The following RNF213 variants were observed in gnomAD, a reference collection of about 807,000 sequenced individuals.
RNF213 encodes the protein ring finger protein 213.
In RNF213, 341 loss-of-function variants were observed where a neutral mutation model predicts 514.4. The ratio of observed to expected loss-of-function variants is 0.66; its 90% CI spans 0.61 to 0.73. The LOEUF (loss-of-function observed/expected upper bound fraction) is 0.73, where lower values mean the gene tolerates loss of function less well. Among genes scored for constraint, RNF213 ranks in the 30% least tolerant of loss-of-function variants. The pLI, the probability that RNF213 is intolerant of heterozygous loss-of-function variation, is 0.00. For synonymous variants in RNF213, 2,655 were observed against 2,658.2 expected, an observed-to-expected ratio of 1.00 and a Z score of 0.04; for missense variants, 5,767 against 6,615.6, an observed-to-expected ratio of 0.87 and a Z score of 4.45.
chr17:80,385,840 G>A (rs1240250375), intron 61 of RNF213, among the ~76,000 whole-genome samples: 2 of 152,106 alleles, frequency 1.3e-5, no homozygotes, highest in African/African-American at 4.8e-5. Flanking sequence ...TCCTGCCTCA[G>A]CCCCTAGTAG....
At chr17:80,327,164 G>A (rs2143919560) in intron 18 of RNF213, among the ~76,000 whole-genome samples, 1 of 152,310 alleles carries the variant, frequency 6.6e-6, no homozygotes, top group South Asian at 2.1e-4. Context: ...TATTCCTAGG[G>A]CAGGGGCTTT....
chr17:80,277,395 C>T (rs558080502), intron 3 of RNF213, among the ~76,000 whole-genome samples: 21 of 151,976 alleles, frequency 1.4e-4, no homozygotes, highest in Admixed American at 1.0e-3. Flanking sequence ...GTCAGGAGTT[C>T]AAGACCAACC....
intron 10 of RNF213, among the ~76,000 whole-genome samples, chr17:80,298,101 T>C (rs1249809375): frequency 6.6e-6 from 1 of 152,052 alleles, no homozygotes; most frequent in East Asian, 1.9e-4. Flanking sequence ...TCCTGGGAGT[T>C]TGTTGTGGGG....
chr17:80,348,681 C>T (rs1227420376), intron 29 of RNF213, among the ~76,000 whole-genome samples: 1 of 152,246 alleles, frequency 6.6e-6, no homozygotes, highest in African/African-American at 2.4e-5. Flanking sequence ...TGCTTAGAGG[C>T]AGCGGGGAGC....
chr17:80,347,713 G>C lies in RNF213; in HGVS notation c.9378G>C (p.Gln3126His). Residue 3126 changes from glutamine to histidine, a missense_variant, in exon 29 of 68, where the codon CAG becomes CAC. Physicochemically the swap from Gln to His is conservative, Grantham distance 24. Around this residue, in one of 13 missense-constraint regions of RNF213, gnomAD observed 919 missense variants for 1,121.0 expected, o/e 0.82. Coordinates refer to ENST00000582970, the MANE Select transcript of RNF213 (RefSeq NM_001256071.3). The surrounding 1 kb of genome is among the most constrained non-coding windows in gnomAD (Gnocchi z 7.2). ...AGTACTACGTCCACCTCGGCGGCCAGAAGTACGTGGACCTCGGTCTGGGGA... is the reference window on the plus strand; with the variant it reads ...AGTACTACGTCCACCTCGGCGGCCACAAGTACGTGGACCTCGGTCTGGGGA... ...LNQYYVHLGG[Q>H]KYVDLGLGTH... 6.2e-7 allele frequency: 1 copy of C among 1,614,012 alleles called. No homozygotes were observed. The highest frequency in any genetic ancestry group is 8.5e-7 in the Non-Finnish European group (1 of 1,179,912).
intron 15 of RNF213, among the ~76,000 whole-genome samples, chr17:80,314,412 G>A (rs2045760360): frequency 6.3e-4 from 1 of 1,590 alleles, no homozygotes. Flanking sequence ...GGTGGTGGTG[G>A]TGGTGGTGGA....
rs928336881 is a variant in RNF213, at chr17:80,393,807, G to C, written c.*309G>C. 8.1e-6 allele frequency: 3 copies of C among 369,178 alleles called. No homozygotes were observed. The highest frequency in any genetic ancestry group is 6.3e-5 in the African/African-American group (3 of 47,608). The allele number at this position is 369,178 out of a possible 1,614,324, so 22.9% of individuals were successfully genotyped here. A position where few individuals can be genotyped will look rare whatever the true frequency, so the allele number is the denominator to read the frequency against. Reference sequence around the variant, plus strand: ...ACATTGTTTACATTCCAGGAGACTTGTAGCTCAGCCACACACGCAGTAATG... The same window carrying C: ...ACATTGTTTACATTCCAGGAGACTTCTAGCTCAGCCACACACGCAGTAATG... On this transcript the variant is annotated 3_prime_UTR_variant, in exon 68 of 68. Transcript: ENST00000582970.
chr17:80,344,417 G>A (rs1240295461), intron 28 of RNF213, among the ~76,000 whole-genome samples: 1 of 152,194 alleles, frequency 6.6e-6, no homozygotes, highest in Non-Finnish European at 1.5e-5. Context: ...CATAATACAT[G>A]TATAGCTTAG....
chr17:80,319,922 A>G, intron 17 of RNF213: 10 of 1,046,390 alleles, frequency 9.6e-6, no homozygotes, highest in Non-Finnish European at 1.2e-5. Flanking sequence ...AAGTCCAGAA[A>G]CATTGAGGTC....
chr17:80,285,378 G>A (rs2044434237), intron 3 of RNF213, among the ~76,000 whole-genome samples: 1 of 152,226 alleles, frequency 6.6e-6, no homozygotes, highest in Non-Finnish European at 1.5e-5. Context: ...CAGCCCCGGA[G>A]GTACCAGGCA....
intron 2 of RNF213, among the ~76,000 whole-genome samples, chr17:80,266,904 C>G (rs573060988): frequency 1.3e-4 from 20 of 152,110 alleles, no homozygotes; most frequent in Non-Finnish European, 2.8e-4. Flanking sequence ...CCTCTTGCAC[C>G]AAATGGTTAG....
In RNF213 at chr17:80,372,567, T is replaced by C. The variant is rs2079558111; in HGVS notation, c.12584T>C (p.Leu4195Pro). Reference sequence around the variant, plus strand: ...AGTGCTTACTCCAGAAATGATGAACTGAACCACCTAGAAGAGGAAGGTCGT... The same window carrying C: ...AGTGCTTACTCCAGAAATGATGAACCGAACCACCTAGAAGAGGAAGGTCGT... ...KTSAYSRNDE[L>P]NHLEEEGRFL... The change falls in exon 48 of 68, where the codon CTG becomes CCG. Residue 4195 changes from leucine to proline, a missense_variant. This residue lies in a region of RNF213 where 1,245 missense variants were observed against 1,339.0 expected (regional missense o/e 0.93). Transcript: ENST00000582970. The C allele has an allele frequency of 6.2e-7, 1 of 1,614,032 alleles. No homozygotes were observed. Among genetic ancestry groups the C allele is most frequent in the East Asian group, 2.2e-5 (1 of 44,874 alleles).
At chr17:80,287,536 A>C (rs1380458446) in intron 3 of RNF213, among the ~76,000 whole-genome samples, 1 of 152,188 alleles carries the variant, frequency 6.6e-6, no homozygotes, top group Non-Finnish European at 1.5e-5. Context: ...ATCTCAGTGG[A>C]TGTCCAATAA....
chr17:80,346,777 C>A lies in RNF213; in HGVS notation c.8442C>A (p.Thr2814=). 6.2e-7 allele frequency: 1 copy of A among 1,613,876 alleles called. No individual in the cohort carries two copies. The highest frequency in any genetic ancestry group is 8.5e-7 in the Non-Finnish European group (1 of 1,180,002). The change falls in exon 29 of 68, where the codon ACC becomes ACA. Residue 2814 remains threonine (T), a synonymous_variant. Transcript: ENST00000582970. This position sits in a 1 kb window ranked among gnomAD's most constrained non-coding sequence, Gnocchi z 8.1. ...LVSFQCSPHS[T]PQGIISTFRQ... ...CCTTCCAGTGCAGCCCGCACTCCAC[C>A]CCACAGGGCATCATCAGCACCTTCC...
intron 46 of RNF213, among the ~76,000 whole-genome samples, chr17:80,371,464 T>G (rs2079516034): frequency 6.6e-6 from 1 of 152,274 alleles, no homozygotes. Context: ...TCTCACGGAT[T>G]CATGTTTTGG....
intron 11 of RNF213, among the ~76,000 whole-genome samples, chr17:80,302,283 G>A (rs951130541): frequency 6.6e-6 from 1 of 152,100 alleles, no homozygotes; most frequent in African/African-American, 2.4e-5. Context: ...GAGTTTGAAT[G>A]TTTCCAACAC....
chr17:80,370,725 C>A (rs2079485190), intron 46 of RNF213, among the ~76,000 whole-genome samples: 1 of 152,178 alleles, frequency 6.6e-6, no homozygotes, highest in Admixed American at 6.5e-5. Flanking sequence ...TCATGACAAG[C>A]CCTGGGTTAT....
At position 80,379,015 on chromosome 17, in the gene RNF213, A is replaced by T. The variant is rs113585495; in HGVS notation, c.13546-605A>T. Among the ~76,000 whole-genome samples, 820 of 152,264 alleles carry T rather than the reference A, an allele frequency of 5.4e-3. 4 individuals carry two copies. The highest frequency in any genetic ancestry group is 0.019 in the African/African-American group (776 of 41,552). On this transcript the variant is annotated intron_variant, in intron 54 of 67. Coordinates refer to ENST00000582970, the MANE Select transcript of RNF213 (RefSeq NM_001256071.3). Reference sequence around the variant, plus strand: ...ATGTTGAAACCCCGTCTCTACAAAAAAACACAAAGCATCAGCAGGGCATGG... The same window carrying T: ...ATGTTGAAACCCCGTCTCTACAAAATAACACAAAGCATCAGCAGGGCATGG...
chr17:80,379,154 CT>C (rs999153590), intron 54 of RNF213, among the ~76,000 whole-genome samples: 1 of 152,254 alleles, frequency 6.6e-6, no homozygotes, highest in East Asian at 1.9e-4. Flanking sequence ...GATGGTGCCA[CT>C]GCACTCCAGC....
Sources: allele counts gnomAD v4.1 joint callset (sites outside exome capture counted in the v4.1 genomes callset), GRCh38; gene constraint gnomAD v4.1.1; regional missense constraint gnomAD v4.1.1; non-coding constraint Gnocchi (gnomAD v3.1); transcripts MANE v1.5; gene names NCBI Gene and HGNC (gene_info 2026-07-23, HGNC 2026-07-21).